Variants in ATP11C observed in about 807,000 individuals in gnomAD.
ATP11C encodes ATPase phospholipid transporting 11C (ATP11C blood group).
In ATP11C, 36 loss-of-function variants were observed where a neutral mutation model predicts 97.4. The observed-to-expected ratio is 0.37, with a 90% CI of 0.28 to 0.49. The LOEUF (loss-of-function observed/expected upper bound fraction) is 0.49, where lower values mean the gene tolerates loss of function less well. Ranked by LOEUF, ATP11C falls within the 20% of genes least tolerant of loss-of-function variation. ATP11C has a pLI of 0.98. For synonymous variants in ATP11C, 275 were observed against 290.9 expected, an observed-to-expected ratio of 0.95 and a Z score of 0.56; for missense variants, 730 against 824.6, an observed-to-expected ratio of 0.89 and a Z score of 1.40.
In ATP11C at chrX:139,774,700, T is replaced by A; in HGVS notation, c.2206A>T (p.Ser736Cys). ...GATGTACTTTCTTACTTTTTAAAGC[T>A]TCTAGTACTTTTAGGAAACTCATGC... Reference protein sequence around the residue: ...LLHEFPKSTRSFKKAWTEHQE... With the variant: ...LLHEFPKSTRCFKKAWTEHQE... Residue 736 changes from serine (S) to cysteine (C), a missense_variant, in exon 19 of 30, where the codon AGC (serine) becomes TGC (cysteine). Transcript: ENST00000682941. The A allele has an allele frequency of 8.3e-7, 1 of 1,206,324 alleles. No homozygotes were observed. The highest frequency in any genetic ancestry group is 1.1e-6 in the Non-Finnish European group (1 of 891,524).
intron 1 of ATP11C, among the ~76,000 whole-genome samples, chrX:139,852,705 C>A (rs1249342330): frequency 9.1e-6 from 1 of 109,860 alleles, no homozygotes. Flanking sequence ...GGGTCCTCTC[C>A]ATGGTTCCAT....
intron 1 of ATP11C, among the ~76,000 whole-genome samples, chrX:139,892,292 G>A (rs1299348353): frequency 2.7e-5 from 3 of 111,837 alleles, no homozygotes; most frequent in African/African-American, 9.7e-5. Context: ...CCAGAAGCAA[G>A]GCCTAGAAGG....
intron 1 of ATP11C, among the ~76,000 whole-genome samples, chrX:139,866,732 A>G (rs183326493): frequency 1.8e-5 from 2 of 110,300 alleles, no homozygotes; most frequent in Non-Finnish European, 3.8e-5. Flanking sequence ...AACAAACAAA[A>G]AAAAAGACGC....
chrX:139,867,398 C>T (rs971458470), intron 1 of ATP11C, among the ~76,000 whole-genome samples: 1 of 110,904 alleles, frequency 9.0e-6, no homozygotes, highest in Non-Finnish European at 1.9e-5. Context: ...CAAAGGAAGG[C>T]CTCCCTGAGA....
intron 5 of ATP11C, among the ~76,000 whole-genome samples, chrX:139,805,431 A>G (rs1309640883): frequency 8.9e-6 from 1 of 112,026 alleles, no homozygotes; most frequent in African/African-American, 3.2e-5. Flanking sequence ...TGATACAAGA[A>G]AAGTACTGAG....
At chrX:139,911,319 TAAAC>T (rs945891685) in intron 1 of ATP11C, among the ~76,000 whole-genome samples, 1 of 111,253 alleles carries the variant, frequency 9.0e-6, no homozygotes, top group Non-Finnish European at 1.9e-5. Flanking sequence ...TAAAAGGAAA[TAAAC>T]AAGTAGATAA....
chrX:139,849,295 T>C (rs1001198369), intron 1 of ATP11C, among the ~76,000 whole-genome samples: 5 of 111,955 alleles, frequency 4.5e-5, no homozygotes, highest in Non-Finnish European at 7.5e-5. Context: ...ACTTCATCTC[T>C]ACTTTGTATC....
At chrX:139,743,383 G>A (rs1428076239) in intron 26 of ATP11C, among the ~76,000 whole-genome samples, 176 bp downstream of exon 26, 1 of 110,607 alleles carries the variant, frequency 9.0e-6, no homozygotes, top group African/African-American at 3.3e-5. Context: ...TCAAAAAATA[G>A]TATACAAATA....
intron 23 of ATP11C, among the ~76,000 whole-genome samples, chrX:139,757,224 C>T (rs904469004): frequency 1.8e-5 from 2 of 110,279 alleles, no homozygotes; most frequent in African/African-American, 6.7e-5. Flanking sequence ...TCCTGTATTT[C>T]GCTGTATTTC....
At chrX:139,918,358 TC>T (rs2085189470) in intron 1 of ATP11C, among the ~76,000 whole-genome samples, 1 of 111,931 alleles carries the variant, frequency 8.9e-6, no homozygotes, top group Non-Finnish European at 1.9e-5. Context: ...ACGCCTGTAA[TC>T]CCAGCACTTT....
intron 15 of ATP11C, among the ~76,000 whole-genome samples, chrX:139,785,740 C>T (rs967564264): frequency 9.0e-6 from 1 of 111,514 alleles, no homozygotes; most frequent in Non-Finnish European, 1.9e-5. Context: ...GGAGACAGAG[C>T]ATAATGAGAT....
At chrX:139,881,811 CAAGA>C (rs765262219) in intron 1 of ATP11C, among the ~76,000 whole-genome samples, 341 of 111,755 alleles carry the variant, frequency 3.1e-3, no homozygotes, top group African/African-American at 0.011. Context: ...TGTTTCCTCT[CAAGA>C]AAGAAGTCTC....
At chrX:139,731,957 G>T (rs377283654) in intron 28 of ATP11C, among the ~76,000 whole-genome samples, 9 of 111,496 alleles carry the variant, frequency 8.1e-5, no homozygotes, top group African/African-American at 2.9e-4. Context: ...TCTCCAACTC[G>T]AATTGTTTTT....
At chrX:139,898,790 A>G (rs993856632) in intron 1 of ATP11C, among the ~76,000 whole-genome samples, 1 of 112,040 alleles carries the variant, frequency 8.9e-6, no homozygotes, top group Non-Finnish European at 1.9e-5. Context: ...AAGAAATGAT[A>G]TTCTTTAGAA....
chrX:139,766,294 C>T (rs2148680547), intron 20 of ATP11C, among the ~76,000 whole-genome samples: 1 of 111,781 alleles, frequency 8.9e-6, no homozygotes, highest in East Asian at 2.8e-4. Context: ...GTGGAAGAAG[C>T]AGCATGGGGT....
chrX:139,734,393 G>C (rs1038104707), intron 28 of ATP11C, among the ~76,000 whole-genome samples: 7 of 111,185 alleles, frequency 6.3e-5, no homozygotes, highest in Non-Finnish European at 1.3e-4. Context: ...ATGTTGCTGG[G>C]TGCATTCCCA....
At chrX:139,891,009 A>G (rs745330876) in intron 1 of ATP11C, among the ~76,000 whole-genome samples, 12 of 110,895 alleles carry the variant, frequency 1.1e-4, no homozygotes, top group Non-Finnish European at 2.1e-4. Flanking sequence ...AACCTGATAG[A>G]AAATAGCATG....
At position 139,727,502 on chromosome X, in the gene ATP11C, G is replaced by T. The variant is rs189179222; in HGVS notation, c.*1464C>A. The T allele has an allele frequency of 9.0e-6, 1 of 110,851 alleles. No homozygotes were observed. The highest frequency in any genetic ancestry group is 3.3e-5 in the African/African-American group (1 of 30,545). The allele number at this position is 110,851 out of a possible 1,213,427, so 9.1% of individuals were successfully genotyped here. A position where few individuals can be genotyped will look rare whatever the true frequency, so the allele number is the denominator to read the frequency against. ...ATAACTGAAATTATGTTCTTTTCTA[G>T]AATTTAGAAAAAAATCATACCTAAA... is the stretch of plus-strand genomic sequence containing the variant. On this transcript the variant is annotated 3_prime_UTR_variant, in exon 30 of 30. Transcript: ENST00000682941.
At position 139,834,670 on chromosome X, in the gene ATP11C, T is replaced by G. The variant is rs1297325516; in HGVS notation, c.28-7847A>C. Among the ~76,000 whole-genome samples, 4 of 112,122 alleles carry G rather than the reference T, an allele frequency of 3.6e-5. No individual in the cohort carries two copies. The East Asian group carries it at 1.1e-3, about 31-fold the overall frequency. ...ACATATAAATAAAAATTGTTTAGAT[T>G]GTTAAATTTTAATGTGCCTTTGAGT... On this transcript the variant is annotated intron_variant, in intron 1 of 29. Coordinates refer to ENST00000682941, the MANE Select transcript of ATP11C (RefSeq NM_001353812.2).
Sources: gnomAD v4.1 joint callset for allele counts (sites outside exome capture counted in the v4.1 genomes callset) on GRCh38, gnomAD v4.1.1 for gene constraint, MANE v1.5 for transcripts, NCBI Gene and HGNC (gene_info 2026-07-23, HGNC 2026-07-21) for gene names.